MGST1: variants seen among roughly 807,000 people sequenced by gnomAD.
The protein encoded by MGST1 is glutathione S-transferase 12.
MGST1 carries 5 observed loss-of-function variants against 8.9 expected under a neutral mutation model. The observed-to-expected ratio is 0.56, with a 90% CI of 0.29 to 1.19. The LOEUF is 1.19. Among genes scored for constraint, MGST1 ranks in the 50% most tolerant of loss-of-function variants. The pLI, the probability that MGST1 is intolerant of heterozygous loss-of-function variation, is 0.08. For missense variants in MGST1, 182 were observed against 187.4 expected (o/e 0.97, Z 0.17); for synonymous variants, 54 against 67.8 (o/e 0.80, Z 1.00).
At chr12:16,379,746 G>A (rs974477615), downstream of MGST1, among the ~76,000 whole-genome samples, 1 of 152,174 alleles carries the variant, frequency 6.6e-6, no homozygotes, top group Non-Finnish European at 1.5e-5. Flanking sequence ...TTGTATCTCT[G>A]GTAGAATTCG....
At chr12:16,418,728 G>A (rs1349906179) in intron 1 of MGST1, among the ~76,000 whole-genome samples, 8 of 152,064 alleles carry the variant, frequency 5.3e-5, no homozygotes. Context: ...GTGTGCCTTG[G>A]TTGTCTCAAG....
chr12:16,568,826 A>G (rs1002751806), intron 4 of MGST1, among the ~76,000 whole-genome samples: 15 of 152,202 alleles, frequency 9.9e-5, no homozygotes, highest in Admixed American at 9.8e-4. Context: ...CCCTGGATAT[A>G]TGACAGTTAT....
At chr12:16,551,284 G>A (rs1399292645) in intron 4 of MGST1, 1 of 1,612,864 alleles carries the variant, frequency 6.2e-7, no homozygotes, top group Non-Finnish European at 8.5e-7. Context: ...GTCTGGCAAA[G>A]GATCATGTTA....
chr12:16,557,616 T>A (rs1468859), intron 4 of MGST1, among the ~76,000 whole-genome samples: 151,684 of 152,198 alleles, frequency 1, 75,586 homozygotes, highest in South Asian at 1. Flanking sequence ...AGCAAGAAAC[T>A]CTATTGTGAT....
chr12:16,390,991 A>G (rs145866147), intron 1 of MGST1, among the ~76,000 whole-genome samples: 49 of 152,160 alleles, frequency 3.2e-4, no homozygotes, highest in African/African-American at 1.1e-3. Flanking sequence ...ACTTTTTAGT[A>G]ATAGCCATTA....
At chr12:16,373,492 T>C (rs1394798465) in intron 3 of MGST1, among the ~76,000 whole-genome samples, 2 of 152,044 alleles carry the variant, frequency 1.3e-5, no homozygotes, top group African/African-American at 4.8e-5. Flanking sequence ...TATGATTGTA[T>C]CAAGATATTA....
chr12:16,438,287 T>C (rs1000892074), exon 2 of MGST1: 1 of 151,936 alleles, frequency 6.6e-6, no homozygotes, highest in Admixed American at 6.6e-5. Context: ...CAAAATATGC[T>C]TTACAATGAA....
downstream of MGST1, among the ~76,000 whole-genome samples, chr12:16,441,600 A>C (rs758968588): frequency 1.3e-5 from 2 of 151,822 alleles, no homozygotes; most frequent in Non-Finnish European, 2.9e-5. Flanking sequence ...AGCCTTTTCA[A>C]ATCAGCTTCT....
intron 1 of MGST1, among the ~76,000 whole-genome samples, chr12:16,394,148 G>A (rs1360781667): frequency 6.6e-6 from 1 of 152,118 alleles, no homozygotes; most frequent in Non-Finnish European, 1.5e-5. Context: ...GAGAGTTCCT[G>A]TTGCTCCGTA....
chr12:16,354,849 CT>C (rs1262218123), intron 2 of MGST1: 1 of 151,842 alleles, frequency 6.6e-6, no homozygotes, highest in Non-Finnish European at 1.5e-5. Flanking sequence ...CAAAGTGAGC[CT>C]CATATATGAG....
At chr12:16,445,368 A>G (rs1307695373) in intron 4 of MGST1, among the ~76,000 whole-genome samples, 1 of 151,894 alleles carries the variant, frequency 6.6e-6, no homozygotes, top group Non-Finnish European at 1.5e-5. Flanking sequence ...CCTTGAAGAT[A>G]TAATTTATCT....
chr12:16,353,825 T>C (rs999987141), intron 1 of MGST1, among the ~76,000 whole-genome samples: 6 of 144,940 alleles, frequency 4.1e-5, no homozygotes, highest in Admixed American at 7.1e-5. Context: ...AGTGGCGCAA[T>C]CTTGGCTCAT....
chr12:16,426,457 C>T (rs1194003985), intron 1 of MGST1, among the ~76,000 whole-genome samples: 1 of 152,066 alleles, frequency 6.6e-6, no homozygotes, highest in South Asian at 2.1e-4. Context: ...TTGTTTTTCC[C>T]CTTTAAACCA....
intron 1 of MGST1, among the ~76,000 whole-genome samples, chr12:16,408,084 G>C (rs1448818880): frequency 6.7e-6 from 1 of 149,396 alleles, no homozygotes. Flanking sequence ...AGAGCTGGAG[G>C]CCACTATACT....
Position 16,587,125 on chromosome 12 carries a change from G to A in MGST1, n.483-2403G>A, listed in dbSNP as rs1943346103. ...TGCCCACAAGGGTACTTGGACAATG[G>A]CTTACATTTTAAATTATAGCAATTG... On this transcript the variant is annotated intron_variant and non_coding_transcript_variant, in intron 4 of 4. Coordinates refer to the MGST1 transcript ENST00000538857. This position sits in a 1 kb window ranked among gnomAD's most constrained non-coding sequence, Gnocchi z 4.3. Among the ~76,000 whole-genome samples, 1 of 152,112 alleles carries A rather than the reference G, an allele frequency of 6.6e-6. No individual in the cohort carries two copies. Among genetic ancestry groups the A allele is most frequent in the African/African-American group, 2.4e-5 (1 of 41,434 alleles).
At chr12:16,488,368 C>G (rs1459821215) in intron 4 of MGST1, among the ~76,000 whole-genome samples, 1 of 152,162 alleles carries the variant, frequency 6.6e-6, no homozygotes, top group Non-Finnish European at 1.5e-5. Flanking sequence ...TCTCTCTCCC[C>G]TCTCTGCACT....
At chr12:16,373,029 A>G (rs1471483837) in intron 3 of MGST1, among the ~76,000 whole-genome samples, 1 of 148,358 alleles carries the variant, frequency 6.7e-6, no homozygotes, top group Non-Finnish European at 1.5e-5. Flanking sequence ...TATACATACT[A>G]TGTGTTACAT....
At chr12:16,438,970 T>G (rs982150566), downstream of MGST1, among the ~76,000 whole-genome samples, 8 of 151,868 alleles carry the variant, frequency 5.3e-5, 1 homozygote. Flanking sequence ...GTGGTGCAGA[T>G]TTTTAATGGG....
intron 4 of MGST1, among the ~76,000 whole-genome samples, chr12:16,454,450 A>G (rs1453829458): frequency 6.6e-6 from 1 of 151,902 alleles, no homozygotes; most frequent in Non-Finnish European, 1.5e-5. Context: ...TACTCTACTT[A>G]TACTATTTCA....
Sources: gnomAD v4.1 joint callset for allele counts (sites outside exome capture counted in the v4.1 genomes callset) on GRCh38, gnomAD v4.1.1 for gene constraint, Gnocchi (gnomAD v3.1) non-coding constraint, MANE v1.5 for transcripts, NCBI Gene and HGNC (gene_info 2026-07-23, HGNC 2026-07-21) for gene names.